MDGA2: variants seen among roughly 807,000 people sequenced by gnomAD.
The protein encoded by MDGA2 is MAM domain-containing glycosylphosphatidylinositol anchor protein 2.
MDGA2 carries 40 observed loss-of-function variants against 117.8 expected under a neutral mutation model. The observed-to-expected ratio is 0.34, with a 90% CI of 0.26 to 0.44. MDGA2 has a LOEUF of 0.44. Ranked by LOEUF, MDGA2 falls within the 20% of genes least tolerant of loss-of-function variation. MDGA2 has a pLI of 1.00. For missense variants in MDGA2, 1,123 were observed against 1,250.6 expected (o/e 0.90, Z 1.54); for synonymous variants, 452 against 439.0 (o/e 1.03, Z -0.37).
intron 2 of MDGA2, among the ~76,000 whole-genome samples, chr14:47,272,895 G>A (rs1381168243): frequency 6.6e-6 from 1 of 152,116 alleles, no homozygotes; most frequent in Non-Finnish European, 1.5e-5. Flanking sequence ...TAGCTTAGCT[G>A]AAGGTAATTG....
intron 1 of MDGA2, among the ~76,000 whole-genome samples, chr14:47,555,895 C>T (rs920079866): frequency 1.3e-5 from 2 of 152,150 alleles, no homozygotes; most frequent in African/African-American, 4.8e-5. Flanking sequence ...GCTCCTCCAT[C>T]CCCCTAGCCA....
chr14:46,913,428 T>C (rs920628089), intron 10 of MDGA2, among the ~76,000 whole-genome samples: 1 of 152,128 alleles, frequency 6.6e-6, no homozygotes, highest in Non-Finnish European at 1.5e-5. Flanking sequence ...ATAAAATCTA[T>C]CTAAATGGGC....
chr14:47,444,807 C>A (rs1040626719), intron 1 of MDGA2, among the ~76,000 whole-genome samples: 1 of 152,048 alleles, frequency 6.6e-6, no homozygotes. Context: ...ATCATGCACT[C>A]CATGAGAGGT....
intron 3 of MDGA2, among the ~76,000 whole-genome samples, chr14:47,213,958 G>A (rs1424605107): frequency 2.0e-5 from 3 of 152,114 alleles, no homozygotes; most frequent in African/African-American, 2.4e-5. Context: ...AATGGAAAGA[G>A]TACCTTTTTG....
At chr14:47,211,877 T>C (rs1403291532) in intron 3 of MDGA2, among the ~76,000 whole-genome samples, 2 of 152,204 alleles carry the variant, frequency 1.3e-5, no homozygotes, top group African/African-American at 4.8e-5. Context: ...GCATAATTTA[T>C]GTTATTAACC....
chr14:47,147,338 G>A (rs542048772), intron 3 of MDGA2, among the ~76,000 whole-genome samples: 88 of 152,160 alleles, frequency 5.8e-4, no homozygotes, highest in Non-Finnish European at 1.1e-3. Flanking sequence ...ATGGTTCTGG[G>A]AAGTATCTTA....
intron 1 of MDGA2, among the ~76,000 whole-genome samples, chr14:47,485,508 C>T (rs1247047323): frequency 6.6e-6 from 1 of 152,118 alleles, no homozygotes; most frequent in Non-Finnish European, 1.5e-5. Flanking sequence ...AGGAGAAATT[C>T]GAACCAGCTG....
At chr14:47,449,883 A>T (rs1893204642) in intron 1 of MDGA2, among the ~76,000 whole-genome samples, 1 of 152,116 alleles carries the variant, frequency 6.6e-6, no homozygotes, top group Non-Finnish European at 1.5e-5. Flanking sequence ...AATGTGAAAA[A>T]AATTTTACAT....
At position 47,531,033 on chromosome 14, in the gene MDGA2, C is replaced by T. The variant is rs1258544128; in HGVS notation, c.280+143484G>A. The stretch of plus-strand genomic sequence containing the variant: ...GGCCGAGGTGGGCGGATCACAAGGT[C>T]AGGAGATTGAGACCATCCTGGCTAA... On this transcript the variant is annotated intron_variant, in intron 1 of 16. Coordinates refer to ENST00000399232, the MANE Select transcript of MDGA2 (RefSeq NM_001113498.3). Among the ~76,000 whole-genome samples the T allele has an allele frequency of 2.6e-5, 4 of 152,086 alleles. No homozygotes were observed. In the East Asian group the frequency reaches 7.7e-4, roughly 29 times the overall value.
chr14:47,596,481 G>C (rs1896544830), intron 1 of MDGA2, among the ~76,000 whole-genome samples: 1 of 152,140 alleles, frequency 6.6e-6, no homozygotes, highest in South Asian at 2.1e-4. Flanking sequence ...CACAGTAAAA[G>C]TATCATGCAC....
At chr14:47,201,908 G>A (rs894713546) in intron 3 of MDGA2, among the ~76,000 whole-genome samples, 2 of 152,160 alleles carry the variant, frequency 1.3e-5, no homozygotes, top group Admixed American at 6.5e-5. Context: ...AATCCTATAT[G>A]TAAAGCACTT....
chr14:47,207,638 G>C (rs562002439), intron 3 of MDGA2, among the ~76,000 whole-genome samples: 1 of 151,810 alleles, frequency 6.6e-6, no homozygotes, highest in Non-Finnish European at 1.5e-5. Flanking sequence ...AGAATACAGC[G>C]CTTAGGGAGG....
intron 6 of MDGA2, among the ~76,000 whole-genome samples, chr14:47,085,066 G>GA (rs555754167): frequency 0.029 from 4,360 of 149,770 alleles, 74 homozygotes; most frequent in Middle Eastern, 0.076. Context: ...TTGGGTCAAA[G>GA]AAAAAAAAAT....
chr14:47,468,345 T>C (rs1006103995), intron 1 of MDGA2, among the ~76,000 whole-genome samples: 2 of 152,178 alleles, frequency 1.3e-5, no homozygotes, highest in South Asian at 2.1e-4. Context: ...AGCTTCAAAG[T>C]AGACGGACAC....
chr14:47,048,549 T>C (rs1889345141), intron 7 of MDGA2, among the ~76,000 whole-genome samples: 1 of 152,042 alleles, frequency 6.6e-6, no homozygotes, highest in Non-Finnish European at 1.5e-5. Context: ...ACAATGCCTG[T>C]TTTACAAATT....
chr14:47,374,058 T>C (rs2063101382), intron 1 of MDGA2, among the ~76,000 whole-genome samples: 1 of 152,156 alleles, frequency 6.6e-6, no homozygotes, highest in Non-Finnish European at 1.5e-5. Context: ...GAAAATATCT[T>C]TGTTATAAAC....
At chr14:47,348,139 GTCTC>G (rs112844787) in intron 1 of MDGA2, among the ~76,000 whole-genome samples, 19 of 144,576 alleles carry the variant, frequency 1.3e-4, no homozygotes, top group Admixed American at 5.5e-4. Flanking sequence ...ATTGTGCTCT[GTCTC>G]TCTCTCTCTC....
intron 5 of MDGA2, among the ~76,000 whole-genome samples, chr14:47,119,757 C>T (rs904158414): frequency 2.6e-5 from 4 of 151,928 alleles, no homozygotes; most frequent in Admixed American, 2.6e-4. Flanking sequence ...TCCTTTTTTC[C>T]CCTTCAAGAC....
chr14:47,134,824 C>T (rs533116711), intron 4 of MDGA2, among the ~76,000 whole-genome samples: 1 of 149,738 alleles, frequency 6.7e-6, no homozygotes, highest in Non-Finnish European at 1.5e-5. Flanking sequence ...CAAAAATAAC[C>T]AACCTCTAAT....
Sources: allele counts gnomAD v4.1 joint callset (sites outside exome capture counted in the v4.1 genomes callset), GRCh38; gene constraint gnomAD v4.1.1; transcripts MANE v1.5; gene names NCBI Gene and HGNC (gene_info 2026-07-23, HGNC 2026-07-21).